The following EIPR1 variants were observed in gnomAD, a reference collection of about 807,000 sequenced individuals.
EIPR1 encodes EARP complex and GARP complex interacting protein 1.
A neutral mutation model predicts 48.1 loss-of-function variants in EIPR1; 25 were observed. The ratio of observed to expected loss-of-function variants is 0.52; its 90% CI spans 0.38 to 0.73. EIPR1 has a LOEUF of 0.73. EIPR1 is among the 30% of genes least tolerant of loss of function. EIPR1 has a pLI of 0.00. For synonymous variants in EIPR1, 204 were observed against 201.9 expected (o/e 1.01, Z -0.09); for missense variants, 415 against 506.2 (o/e 0.82, Z 1.73).
intron 3 of EIPR1, among the ~76,000 whole-genome samples, chr2:3,267,855 C>A (rs922857734): frequency 2.6e-5 from 4 of 152,226 alleles, no homozygotes; most frequent in African/African-American, 7.2e-5. Flanking sequence ...TACTCTCTGG[C>A]CCTTTAAGGA....
intron 4 of EIPR1, among the ~76,000 whole-genome samples, chr2:3,248,679 T>A (rs1666915699): frequency 6.6e-6 from 1 of 152,022 alleles, no homozygotes. Flanking sequence ...GGCAGGAGAA[T>A]CACTTATACT....
intron 3 of EIPR1, among the ~76,000 whole-genome samples, chr2:3,263,428 C>T (rs533365811): frequency 5.5e-4 from 83 of 152,182 alleles, no homozygotes; most frequent in Non-Finnish European, 7.2e-4. Flanking sequence ...TATGAGTTTG[C>T]CTTTCTTGGC....
chr2:3,374,331 T>A (rs911991631), intron 1 of EIPR1, among the ~76,000 whole-genome samples: 1 of 152,086 alleles, frequency 6.6e-6, no homozygotes, highest in Non-Finnish European at 1.5e-5. Context: ...AAGGACTTCA[T>A]GTCTAAAACA....
chr2:3,303,695 G>GGCAACCT (rs1187544444), intron 3 of EIPR1, among the ~76,000 whole-genome samples: 3 of 152,206 alleles, frequency 2.0e-5, no homozygotes, highest in Non-Finnish European at 4.4e-5. Context: ...GCCAGACGCC[G>GGCAACCT]GCAACCTGAC....
intron 6 of EIPR1, among the ~76,000 whole-genome samples, chr2:3,194,981 ATC>A (rs916206603): frequency 4.6e-5 from 7 of 152,246 alleles, no homozygotes; most frequent in African/African-American, 1.7e-4. Flanking sequence ...TCACGCGTGC[ATC>A]TGTGTGCACG....
At chr2:3,209,428 C>A (rs1008517898) in intron 5 of EIPR1, among the ~76,000 whole-genome samples, 1 of 152,234 alleles carries the variant, frequency 6.6e-6, no homozygotes, top group Non-Finnish European at 1.5e-5. Context: ...CAGGGAAGCT[C>A]GGACTCCGTG....
chr2:3,218,557 T>C (rs1342558617), intron 4 of EIPR1, among the ~76,000 whole-genome samples: 13 of 102,102 alleles, frequency 1.3e-4, no homozygotes, highest in African/African-American at 2.7e-4. Context: ...GACCCTGGTA[T>C]ACTCTAGAGC....
chr2:3,263,284 G>A (rs545046393), intron 3 of EIPR1, among the ~76,000 whole-genome samples: 1 of 152,290 alleles, frequency 6.6e-6, no homozygotes, highest in Admixed American at 6.5e-5. Context: ...ACTGCCTGGT[G>A]ACTGGTTAGA....
At chr2:3,247,068 G>C (rs1417141614) in intron 4 of EIPR1, among the ~76,000 whole-genome samples, 1 of 70,212 alleles carries the variant, frequency 1.4e-5, no homozygotes, top group Non-Finnish European at 2.6e-5. Context: ...AGGGAGAGAG[G>C]GAGGGAGAGA....
intron 3 of EIPR1, among the ~76,000 whole-genome samples, chr2:3,325,548 A>T (rs894405644): frequency 4.0e-5 from 6 of 151,838 alleles, no homozygotes; most frequent in Non-Finnish European, 7.4e-5. Flanking sequence ...CACCCTCCCT[A>T]CTCCCAACCC....
At chr2:3,321,070 T>C (rs1669512769) in intron 3 of EIPR1, among the ~76,000 whole-genome samples, 1 of 152,168 alleles carries the variant, frequency 6.6e-6, no homozygotes, top group Admixed American at 6.5e-5. Context: ...GGCAGGAGGC[T>C]CCACCTGAAG....
At chr2:3,190,320 A>G (rs1311131547) in intron 8 of EIPR1, among the ~76,000 whole-genome samples, 1 of 152,118 alleles carries the variant, frequency 6.6e-6, no homozygotes, top group Non-Finnish European at 1.5e-5. Context: ...TGTGTACCGC[A>G]TTCTAACTGC....
At chr2:3,285,779 C>T (rs1387675677) in intron 3 of EIPR1, among the ~76,000 whole-genome samples, 1 of 8,266 alleles carries the variant, frequency 1.2e-4, no homozygotes, top group African/African-American at 8.2e-4. Context: ...CGACTGTCTC[C>T]GGGACCCTCG....
At position 3,253,699 on chromosome 2, in the gene EIPR1, G is replaced by C. The variant is rs575958677; in HGVS notation, c.416+3600C>G. Among the ~76,000 whole-genome samples, 4 of 152,324 alleles carry C rather than the reference G, an allele frequency of 2.6e-5. No homozygotes were observed. In the South Asian group the frequency reaches 8.3e-4, roughly 32 times the overall value. ...TCTGGGGGGCACACTGGGTCATAAG[G>C]CTCTATAAGTTCCTTCCTTAGCCTT... is the stretch of plus-strand genomic sequence containing the variant. On this transcript the variant is annotated intron_variant, in intron 4 of 8. Coordinates refer to ENST00000382125, the MANE Select transcript of EIPR1 (RefSeq NM_003310.5).
rs143427331 is a variant in EIPR1 at position 3,376,908 on chromosome 2, G to A, written c.42+740C>T. 7.9e-4 allele frequency among the ~76,000 whole-genome samples: 120 copies of A among 152,142 alleles called. 1 individual carries two copies. The East Asian group carries it at 0.018, about 23-fold the overall frequency. Reference sequence around the variant, plus strand: ...TACACAATCCTCATCTTCCTCCCCCGCTCATCTCATCCCCTACCTCATTCC... The same window carrying A: ...TACACAATCCTCATCTTCCTCCCCCACTCATCTCATCCCCTACCTCATTCC... On this transcript the variant is annotated intron_variant, in intron 1 of 8. Coordinates refer to ENST00000382125, the MANE Select transcript of EIPR1 (RefSeq NM_003310.5).
chr2:3,316,223 C>G (rs1039692590), intron 3 of EIPR1, among the ~76,000 whole-genome samples: 9 of 150,916 alleles, frequency 6.0e-5, no homozygotes, highest in African/African-American at 1.9e-4. Context: ...CCACTGTTAT[C>G]GCCACCACCA....
rs145390270 is a variant in EIPR1, at chr2:3,289,742, T to C, written c.260-32287A>G. Among the ~76,000 whole-genome samples, 255 of 152,308 alleles carry C rather than the reference T, an allele frequency of 1.7e-3. 3 individuals are homozygous for C. The East Asian group carries it at 0.041, about 24-fold the overall frequency. ...CAGCTTCAGCAGACGAGTAGACACA[T>C]GATACGCAATTCACACTTAGTGTCC... On this transcript the variant is annotated intron_variant, in intron 3 of 8. Coordinates refer to ENST00000382125, the MANE Select transcript of EIPR1 (RefSeq NM_003310.5).
intron 3 of EIPR1, among the ~76,000 whole-genome samples, chr2:3,269,328 ATCATCATCACACTCAGTCATCGCACTCAG>A (rs1572378868): frequency 4.1e-4 from 36 of 88,792 alleles, no homozygotes; most frequent in South Asian, 1.5e-3. Context: ...ATCGCACTCA[ATCATCATCACACTCAGTCATCGCACTCAG>A]TCATCGCACT....
At chr2:3,340,296 G>T (rs1670196696) in intron 2 of EIPR1, among the ~76,000 whole-genome samples, 1 of 152,200 alleles carries the variant, frequency 6.6e-6, no homozygotes. Context: ...GAGTAGAGCG[G>T]GCCGCCAGCA....
Sources: allele counts gnomAD v4.1 joint callset (sites outside exome capture counted in the v4.1 genomes callset), GRCh38; gene constraint gnomAD v4.1.1; transcripts MANE v1.5; gene names NCBI Gene and HGNC (gene_info 2026-07-23, HGNC 2026-07-21).